Variants in COLQ observed in about 807,000 individuals in gnomAD.
The protein encoded by COLQ is collagen like tail subunit of asymmetric acetylcholinesterase.
Under a neutral mutation model 69.0 loss-of-function variants are expected in COLQ, and 48 were observed. The observed-to-expected ratio is 0.70, with a 90% CI of 0.55 to 0.88. COLQ has a LOEUF of 0.88. Ranked by LOEUF, COLQ falls within the 40% of genes least tolerant of loss-of-function variation. COLQ has a pLI of 0.00. For synonymous variants in COLQ, 217 were observed against 211.2 expected (o/e 1.03, Z -0.24); for missense variants, 618 against 594.6 (o/e 1.04, Z -0.41).
At chr3:15,518,678 G>T (rs1223514951) in intron 1 of COLQ, among the ~76,000 whole-genome samples, 1 of 152,204 alleles carries the variant, frequency 6.6e-6, no homozygotes, top group African/African-American at 2.4e-5. Flanking sequence ...GATTATCTAT[G>T]AAGGTAAGTA....
At chr3:15,491,365 G>A (rs974825353) in intron 1 of COLQ, among the ~76,000 whole-genome samples, 3 of 152,044 alleles carry the variant, frequency 2.0e-5, no homozygotes, top group African/African-American at 4.8e-5. Flanking sequence ...GAACATGCAC[G>A]CCACATTGAC....
At chr3:15,521,421 T>C (rs1468311117) in intron 1 of COLQ, 99 bp downstream of exon 1, 4 of 1,509,932 alleles carry the variant, frequency 2.6e-6, no homozygotes, top group Non-Finnish European at 3.6e-6. Flanking sequence ...CCACCAACAG[T>C]TGAATGGCAA....
At position 15,473,795 on chromosome 3, in the gene COLQ, C is replaced by T. The variant is rs1470751899; in HGVS notation, c.636+205G>A. 6.6e-6 allele frequency among the ~76,000 whole-genome samples: 1 copy of T among 152,164 alleles called. No homozygotes were observed. The highest frequency in any genetic ancestry group is 2.4e-5 in the African/African-American group (1 of 41,434). On this transcript the variant is annotated intron_variant, in intron 10 of 16. Transcript: ENST00000383788. This position sits in a 1 kb window ranked among gnomAD's most constrained non-coding sequence, Gnocchi z 4.0. ...CCCAGATGGGTTGTCCTTTCCTTCCCATTGAGCTAGAGGGAGGCTCCAGAC... is the reference window on the plus strand; with the variant it reads ...CCCAGATGGGTTGTCCTTTCCTTCCTATTGAGCTAGAGGGAGGCTCCAGAC...
chr3:15,506,526 G>C (rs1175928525), intron 1 of COLQ: 1 of 151,988 alleles, frequency 6.6e-6, no homozygotes, highest in Non-Finnish European at 1.5e-5. Context: ...CAAATAGGTA[G>C]GTATAATATT....
intron 12 of COLQ, among the ~76,000 whole-genome samples, chr3:15,460,342 C>A (rs1246359089): frequency 6.6e-6 from 1 of 151,998 alleles, no homozygotes; most frequent in Non-Finnish European, 1.5e-5. Context: ...AGAAAAGCAC[C>A]AGAACAAAAG....
intron 14 of COLQ, 150 bp from the exon 15 acceptor site, chr3:15,456,169 C>T: frequency 9.7e-7 from 1 of 1,026,692 alleles, no homozygotes; most frequent in Non-Finnish European, 1.5e-6. Flanking sequence ...TTCCTGTTGC[C>T]CAGAGCTCTG....
In COLQ at chr3:15,466,339, A is replaced by T; in HGVS notation, c.814+2T>A. ...GATCAAGTGAAGCAGTGTAGCTCTT[A>T]CCTGCAGGTGGGGGGCCTGGGGGCC... On this transcript the variant is annotated splice_donor_variant, in intron 12 of 16. Transcript: ENST00000383788. LOFTEE classifies it high-confidence loss of function. 1 of 1,609,020 alleles carries T rather than the reference A, an allele frequency of 6.2e-7. No homozygotes were observed. Among genetic ancestry groups the T allele is most frequent in the Non-Finnish European group, 8.5e-7 (1 of 1,175,534 alleles).
intron 12 of COLQ, among the ~76,000 whole-genome samples, chr3:15,465,641 A>G (rs1269898987): frequency 4.9e-5 from 5 of 101,614 alleles, no homozygotes; most frequent in African/African-American, 2.0e-4. Flanking sequence ...TTGGAGACAG[A>G]GTTTCGAGAT....
At chr3:15,469,791 T>C (rs2062252577) in intron 11 of COLQ, among the ~76,000 whole-genome samples, 1 of 152,162 alleles carries the variant, frequency 6.6e-6, no homozygotes, top group Non-Finnish European at 1.5e-5. Context: ...GCACCTGATG[T>C]GGGGGATCTG....
At chr3:15,471,456 A>G (rs189680497) in intron 10 of COLQ, among the ~76,000 whole-genome samples, 1 of 152,084 alleles carries the variant, frequency 6.6e-6, no homozygotes, top group African/African-American at 2.4e-5. Context: ...CCCACTTACT[A>G]TTTCTTTGGG....
Position 15,509,673 on chromosome 3 carries a change from T to C in COLQ, c.106+11847A>G, listed in dbSNP as rs117125812. ...GCTGGGCCCTTCCCAGGCTCTCTCC[T>C]TGGATCCTTGCAATGATGTTATGGA... On this transcript the variant is annotated intron_variant, in intron 1 of 16. Coordinates refer to ENST00000383788, the MANE Select transcript of COLQ (RefSeq NM_005677.4). Among the ~76,000 whole-genome samples the C allele has an allele frequency of 6.0e-4, 91 of 152,364 alleles. 3 individuals are homozygous for C. The East Asian group carries it at 7.3e-3, about 12-fold the overall frequency.
At chr3:15,477,763 C>T (rs182877169) in intron 5 of COLQ, among the ~76,000 whole-genome samples, 1 of 152,318 alleles carries the variant, frequency 6.6e-6, no homozygotes, top group East Asian at 1.9e-4. Context: ...AGTTGACACT[C>T]TCAAGCTCCC....
intron 5 of COLQ, 29 bp from the exon 6 acceptor site, chr3:15,477,226 C>G (rs777489678): frequency 1.3e-6 from 2 of 1,579,140 alleles, no homozygotes; most frequent in Admixed American, 3.6e-5. Context: ...AAAGTCAGGG[C>G]AACTGGGTTT....
At position 15,458,408 on chromosome 3, in the gene COLQ, C is replaced by T. The variant is rs976308676; in HGVS notation, c.815-83G>A. Reference sequence around the variant, plus strand: ...AGGGAGATGTGAGCGACCTTTGCAACAGAAAAAAGGTTAAAGTCCACAGCA... The same window carrying T: ...AGGGAGATGTGAGCGACCTTTGCAATAGAAAAAAGGTTAAAGTCCACAGCA... On this transcript the variant is annotated intron_variant, in intron 12 of 16. Transcript: ENST00000383788. 3.2e-5 allele frequency: 49 copies of T among 1,513,816 alleles called. No individual in the cohort carries two copies. The Admixed American group carries it at 8.2e-4, about 25-fold the overall frequency. The allele number at this position is 1,513,816 out of a possible 1,614,324, so 93.8% of individuals were successfully genotyped here.
intron 1 of COLQ, among the ~76,000 whole-genome samples, chr3:15,492,621 C>G (rs1303911536): frequency 6.6e-6 from 1 of 151,412 alleles, no homozygotes; most frequent in Non-Finnish European, 1.5e-5. Context: ...GAGCCGAGAT[C>G]GCGCCACTGC....
intron 1 of COLQ, among the ~76,000 whole-genome samples, chr3:15,507,176 T>C (rs909646048): frequency 2.0e-5 from 3 of 152,210 alleles, no homozygotes; most frequent in Admixed American, 6.5e-5. Context: ...CCCATTGATG[T>C]GCATTTGGAT....
intron 1 of COLQ, among the ~76,000 whole-genome samples, chr3:15,516,486 G>C (rs778166514): frequency 9.9e-5 from 15 of 152,174 alleles, no homozygotes; most frequent in Non-Finnish European, 2.1e-4. Flanking sequence ...TCACCATCTG[G>C]TTTCTGAGAC....
intron 11 of COLQ, chr3:15,467,999 C>G: frequency 2.2e-6 from 1 of 456,274 alleles, no homozygotes. Flanking sequence ...GAAGCATTCC[C>G]TGCAGTAACC....
chr3:15,478,912 G>A, intron 5 of COLQ, 65 bp downstream of exon 5: 7 of 1,592,752 alleles, frequency 4.4e-6, no homozygotes, highest in Non-Finnish European at 6.0e-6. Context: ...CCCTCCCTAG[G>A]AGTGCATGCA....
Sources: allele counts gnomAD v4.1 joint callset (sites outside exome capture counted in the v4.1 genomes callset), GRCh38; gene constraint gnomAD v4.1.1; non-coding constraint Gnocchi (gnomAD v3.1); transcripts MANE v1.5; gene names NCBI Gene and HGNC (gene_info 2026-07-23, HGNC 2026-07-21).